Variants in MATR3 observed in about 807,000 individuals in gnomAD.
MATR3 encodes the protein matrin 3.
In MATR3, 4 loss-of-function variants were observed where a neutral mutation model predicts 85.5. The ratio of observed to expected loss-of-function variants is 0.05; its 90% CI spans 0.02 to 0.11. MATR3 has a LOEUF of 0.11. MATR3 is among the 10% of genes least tolerant of loss of function. The pLI is 1.00. For synonymous variants in MATR3, 336 were observed against 343.1 expected (o/e 0.98, Z 0.23); for missense variants, 685 against 1,016.1 (o/e 0.67, Z 4.43).
At chr5:139,286,261 A>G (rs1294004027) in intron 3 of MATR3, among the ~76,000 whole-genome samples, 1 of 151,920 alleles carries the variant, frequency 6.6e-6, no homozygotes, top group Non-Finnish European at 1.5e-5. Context: ...TGAGGTGTCA[A>G]CTCTGCTGCA....
Position 139,305,818 on chromosome 5 carries a change from A to G in MATR3, c.-177-1421A>G, listed in dbSNP as rs1019505121. 4.6e-5 allele frequency among the ~76,000 whole-genome samples: 7 copies of G among 152,262 alleles called. No homozygotes were observed. In the East Asian group the frequency reaches 1.4e-3, roughly 29 times the overall value. Reference sequence around the variant, plus strand: ...CTTATAGCATTTCTGTGTCTTTTAAAACTTGATTATATCTATTTTTTAAAA... The same window carrying G: ...CTTATAGCATTTCTGTGTCTTTTAAGACTTGATTATATCTATTTTTTAAAA... On this transcript the variant is annotated intron_variant, in intron 1 of 14. Coordinates refer to ENST00000394805, the MANE Select transcript of MATR3 (RefSeq NM_018834.6).
At position 139,308,825 on chromosome 5, in the gene MATR3, A is replaced by G. The variant is rs559883844; in HGVS notation, c.912+498A>G. ...GTAGAGCCCTGGTGTTTGTTTCAGTATGTTTCATATTTTAGATTAGTTCAT... is the reference window on the plus strand; with the variant it reads ...GTAGAGCCCTGGTGTTTGTTTCAGTGTGTTTCATATTTTAGATTAGTTCAT... On this transcript the variant is annotated intron_variant, in intron 2 of 14. Transcript: ENST00000394805. 8.4e-4 allele frequency among the ~76,000 whole-genome samples: 128 copies of G among 152,190 alleles called. 1 individual carries two copies. The highest frequency in any genetic ancestry group is 3.0e-3 in the African/African-American group (123 of 41,530).
chr5:139,302,590 G>T (rs1384250562), intron 1 of MATR3, among the ~76,000 whole-genome samples: 2 of 152,140 alleles, frequency 1.3e-5, no homozygotes, highest in African/African-American at 2.4e-5. Context: ...TTGAAAATAA[G>T]TTGGATGCTT....
Position 139,322,801 on chromosome 5 carries a change from A to T in MATR3, c.1982A>T (p.Asp661Val), listed in dbSNP as rs1465011481. The T allele has an allele frequency of 6.2e-7, 1 of 1,614,116 alleles. No individual in the cohort carries two copies. Among genetic ancestry groups the T allele is most frequent in the Non-Finnish European group, 8.5e-7 (1 of 1,180,048 alleles). ...LLESEDELLVDEEEAAALLES... is the reference protein window; with the variant it reads ...LLESEDELLVVEEEAAALLES... ...GAATCTGAAGATGAGCTACTTGTAG[A>T]TGAAGAAGAAGCAGCAGCACTGCTA... The change falls in exon 12 of 15, where the codon GAT becomes GTT. Residue 661 changes from aspartate to valine, a missense_variant. Physicochemically the swap from Asp to Val is radical, Grantham distance 152 (BLOSUM62 -3). Around this residue, in one of 9 missense-constraint regions of MATR3, gnomAD observed 215 missense variants for 194.7 expected, o/e 1.10. Coordinates refer to ENST00000394805, the MANE Select transcript of MATR3 (RefSeq NM_018834.6).
chr5:139,311,260 A>G (rs913511420), intron 2 of MATR3: 5 of 152,032 alleles, frequency 3.3e-5, no homozygotes, highest in Admixed American at 6.5e-5. Context: ...TTTTCTCTCT[A>G]TAAGGTATCT....
In MATR3 at chr5:139,330,142, G is replaced by C. The variant is rs181792838; in HGVS notation, c.*747G>C. On this transcript the variant is annotated 3_prime_UTR_variant, in exon 15 of 15. Transcript: ENST00000394805. ...ATCCCGTGATTGTCATACATCTCTGGTATAAGCAACATTTGATTTTTGAAG... is the reference window on the plus strand; with the variant it reads ...ATCCCGTGATTGTCATACATCTCTGCTATAAGCAACATTTGATTTTTGAAG... 1,822 of 454,314 alleles carry C rather than the reference G, an allele frequency of 4.0e-3. 7 individuals are homozygous for C. Among genetic ancestry groups the C allele is most frequent in the Non-Finnish European group, 6.5e-3 (1,468 of 226,762 alleles). The allele number at this position is 454,314 out of a possible 1,614,324, so 28.1% of individuals were successfully genotyped here. A position where few individuals can be genotyped will look rare whatever the true frequency, so the allele number is the denominator to read the frequency against.
At chr5:139,299,111 A>G (rs1297869338) in intron 1 of MATR3, among the ~76,000 whole-genome samples, 1 of 152,192 alleles carries the variant, frequency 6.6e-6, no homozygotes, top group East Asian at 1.9e-4. Context: ...TTATTTCCAA[A>G]GTCTCGTTAA....
At position 139,322,902 on chromosome 5, in the gene MATR3, C is replaced by G. The variant is rs1360977600; in HGVS notation, c.2083C>G (p.Pro695Ala). 6.2e-7 allele frequency: 1 copy of G among 1,613,688 alleles called. No individual in the cohort carries two copies. Among genetic ancestry groups the G allele is most frequent in the African/African-American group, 1.3e-5 (1 of 74,826 alleles). The change falls in exon 12 of 15, where the codon CCA becomes GCA. Residue 695 changes from proline to alanine, a missense_variant. By Grantham distance (27) the Pro-to-Ala change is conservative (BLOSUM62 -1). This residue lies in a region of MATR3 where 215 missense variants were observed against 194.7 expected (regional missense o/e 1.10). Transcript: ENST00000394805. ...GDVASDGKKE[P>A]SDKAVKKDGS... ...TGTGGCTTCTGATGGGAAAAAGGAA[C>G]CATCAGATAAAGCTGTGAAAAAAGA...
chr5:139,302,155 G>T (rs971688466), intron 1 of MATR3, among the ~76,000 whole-genome samples: 2 of 152,166 alleles, frequency 1.3e-5, no homozygotes, highest in South Asian at 4.1e-4. Context: ...TAGAGACGGG[G>T]TTTCACCATG....
At chr5:139,315,225 A>ACTCC (rs1372992056) in intron 3 of MATR3, 2 of 204,202 alleles carry the variant, frequency 9.8e-6, no homozygotes, top group African/African-American at 4.8e-5. Context: ...TCCTAAAGAA[A>ACTCC]CTCCCTGCTT....
chr5:139,331,363 T>C lies in MATR3; in HGVS notation c.*1968T>C, dbSNP rs1438267723. Reference sequence around the variant, plus strand: ...GGTACATAAAGCATTATGTGCACAATGGAGTTCTTCAGTGTTTCCTTTCAG... The same window carrying C: ...GGTACATAAAGCATTATGTGCACAACGGAGTTCTTCAGTGTTTCCTTTCAG... On this transcript the variant is annotated 3_prime_UTR_variant, in exon 15 of 15. Coordinates refer to ENST00000394805, the MANE Select transcript of MATR3 (RefSeq NM_018834.6). 1 of 454,160 alleles carries C rather than the reference T, an allele frequency of 2.2e-6. No individual in the cohort carries two copies. Among genetic ancestry groups the C allele is most frequent in the Admixed American group, 2.3e-5 (1 of 42,580 alleles). 28.1% of individuals were successfully genotyped at this position (454,160 alleles called of 1,614,324 possible).
chr5:139,315,435 T>TTTAACAAATAGAGGAAAAAC, intron 3 of MATR3: 1 of 397,068 alleles, frequency 2.5e-6, no homozygotes, highest in Non-Finnish European at 4.6e-6. Flanking sequence ...CTCCTTACAA[T>TTTAACAAATAGAGGAAAAAC]TTAACAAATA....
At position 139,326,547 on chromosome 5, in the gene MATR3, A is replaced by C. The variant is rs983547834; in HGVS notation, c.2493+263A>C. On this transcript the variant is annotated intron_variant, in intron 14 of 14. Transcript: ENST00000394805. ...GCAATTTTCCTGCCTCAGCCTCCCA[A>C]GTAGCTGAGATTACAGGCATGCACC... Among the ~76,000 whole-genome samples the C allele has an allele frequency of 5.3e-5, 8 of 151,704 alleles. No individual in the cohort carries two copies. The East Asian group carries it at 5.8e-4, about 11-fold the overall frequency.
intron 1 of MATR3, among the ~76,000 whole-genome samples, chr5:139,302,387 T>A (rs1457624475): frequency 6.6e-6 from 1 of 152,194 alleles, no homozygotes; most frequent in Non-Finnish European, 1.5e-5. Flanking sequence ...AAAATGTAGT[T>A]CTTCAGCATA....
At chr5:139,317,824 C>CT (rs1204793846) in intron 7 of MATR3, 103 bp downstream of exon 7, 5 of 1,187,994 alleles carry the variant, frequency 4.2e-6, no homozygotes, top group Admixed American at 4.3e-5. Context: ...TCAAGGTAAT[C>CT]TTAAGTTTAT....
intron 7 of MATR3, among the ~76,000 whole-genome samples, chr5:139,318,413 C>T (rs560058085): frequency 3.3e-5 from 5 of 151,966 alleles, no homozygotes; most frequent in Middle Eastern, 3.4e-3. Flanking sequence ...GGATTACAGG[C>T]GTCGGCCATT....
intron 3 of MATR3, chr5:139,279,784 G>A (rs948902443): frequency 6.6e-6 from 1 of 152,384 alleles, no homozygotes; most frequent in African/African-American, 2.4e-5. Flanking sequence ...GTACAGGCAT[G>A]AGCCACCGCG....
At chr5:139,319,189 G>C in intron 8 of MATR3, 145 bp from the exon 9 acceptor site, 1 of 1,234,700 alleles carries the variant, frequency 8.1e-7, no homozygotes. Context: ...GATTATGTGA[G>C]GCCCAGGAGT....
chr5:139,326,672 A>C (rs893033904), intron 14 of MATR3, among the ~76,000 whole-genome samples: 2 of 151,918 alleles, frequency 1.3e-5, no homozygotes, highest in African/African-American at 4.8e-5. Context: ...TGATCCACCC[A>C]CCTCAGCCTC....
Sources: allele counts gnomAD v4.1 joint callset (sites outside exome capture counted in the v4.1 genomes callset), GRCh38; gene constraint gnomAD v4.1.1; regional missense constraint gnomAD v4.1.1; transcripts MANE v1.5; gene names NCBI Gene and HGNC (gene_info 2026-07-23, HGNC 2026-07-21).